The following SNTG1 variants were observed in gnomAD, a reference collection of about 807,000 sequenced individuals.
The protein encoded by SNTG1 is gamma-1-syntrophin.
A neutral mutation model predicts 74.7 loss-of-function variants in SNTG1; 39 were observed. That is an observed-to-expected ratio of 0.52 (90% confidence interval 0.40 to 0.68). The LOEUF is 0.68. Ranked by LOEUF, SNTG1 falls within the 30% of genes least tolerant of loss-of-function variation. The pLI is 0.00. For synonymous variants in SNTG1, 254 were observed against 217.1 expected, an observed-to-expected ratio of 1.17 and a Z score of -1.49; for missense variants, 685 against 609.5, an observed-to-expected ratio of 1.12 and a Z score of -1.30.
Position 50,551,331 on chromosome 8 carries a change from A to G in SNTG1, c.681-1719A>G, listed in dbSNP as rs114051257. 5.0e-3 allele frequency among the ~76,000 whole-genome samples: 756 copies of G among 152,294 alleles called. 15 individuals carry two copies. The highest frequency in any genetic ancestry group is 0.017 in the African/African-American group (726 of 41,566). On this transcript the variant is annotated intron_variant, in intron 11 of 18. Transcript: ENST00000642720. The stretch of plus-strand genomic sequence containing the variant: ...TTAACTTATAAGCCTAGTTTCATAA[A>G]AGATCAGCCCCTCAGAATTATTCTA...
intron 2 of SNTG1, among the ~76,000 whole-genome samples, chr8:50,350,099 G>A (rs188667790): frequency 0.012 from 1,816 of 152,260 alleles, 15 homozygotes; most frequent in Non-Finnish European, 0.019. Context: ...CCCCAGCAGC[G>A]CCGGCTCACG....
At chr8:50,777,389 C>T (rs943813232) in intron 18 of SNTG1, among the ~76,000 whole-genome samples, 1 of 150,410 alleles carries the variant, frequency 6.6e-6, no homozygotes, top group Non-Finnish European at 1.5e-5. Flanking sequence ...TCTCTTCTTT[C>T]TGCTGTTGAG....
At position 50,408,510 on chromosome 8, in the gene SNTG1, G is replaced by C. The variant is rs115694690; in HGVS notation, c.162+6166G>C. ...GGACAAGGTCTGGGATAGGGAGTTA[G>C]TGGTAGGCCTGACAATTTCTCTGTA... On this transcript the variant is annotated intron_variant, in intron 4 of 18. Transcript: ENST00000642720. Among the ~76,000 whole-genome samples, 1,374 of 152,288 alleles carry C rather than the reference G, an allele frequency of 9.0e-3. 26 individuals are homozygous for C. The highest frequency in any genetic ancestry group is 0.031 in the African/African-American group (1,302 of 41,562).
intron 16 of SNTG1, among the ~76,000 whole-genome samples, chr8:50,707,727 C>A (rs776259679): frequency 1.8e-4 from 27 of 152,094 alleles, no homozygotes; most frequent in Non-Finnish European, 3.8e-4. Context: ...ATTTCTCTCT[C>A]ATCTTGTACA....
chr8:49,920,508 T>C (rs1435285553), intron 1 of SNTG1, among the ~76,000 whole-genome samples: 2 of 152,066 alleles, frequency 1.3e-5, no homozygotes, highest in Non-Finnish European at 2.9e-5. Flanking sequence ...TAACACCTAT[T>C]ATAGGCTTGA....
chr8:50,477,371 TC>T (rs1563442669), intron 8 of SNTG1, among the ~76,000 whole-genome samples: 1 of 151,870 alleles, frequency 6.6e-6, no homozygotes, highest in South Asian at 2.1e-4. Context: ...ATTTCTGTGG[TC>T]CCCTTCCCCA....
At chr8:49,914,858 G>A (rs939646746) in intron 1 of SNTG1, 21 of 152,158 alleles carry the variant, frequency 1.4e-4, no homozygotes, top group African/African-American at 5.1e-4. Context: ...AAAGCATATT[G>A]TAAGCTAGAA....
chr8:49,938,603 T>TTTTTTTTTTTTTTTTTCTTTCTTTCTTTC (rs1554524905), intron 1 of SNTG1, among the ~76,000 whole-genome samples: 1 of 74,754 alleles, frequency 1.3e-5, no homozygotes, highest in Non-Finnish European at 2.7e-5. Flanking sequence ...TTTTCTTTTC[T>TTTTTTTTTTTTTTTTTCTTTCTTTCTTTC]TTTCTTTCTT....
At chr8:50,513,142 C>T (rs1378609034) in intron 9 of SNTG1, among the ~76,000 whole-genome samples, 3 of 152,134 alleles carry the variant, frequency 2.0e-5, no homozygotes, top group African/African-American at 7.2e-5. Flanking sequence ...ACAGTCAGAA[C>T]CCTCAGCTGC....
chr8:50,075,560 G>C (rs1187398256), intron 1 of SNTG1, among the ~76,000 whole-genome samples: 1 of 152,182 alleles, frequency 6.6e-6, no homozygotes, highest in Non-Finnish European at 1.5e-5. Flanking sequence ...GCAGGATGTG[G>C]GTGGGGCCAG....
At chr8:49,926,264 C>G (rs139253429) in intron 1 of SNTG1, among the ~76,000 whole-genome samples, 1 of 151,604 alleles carries the variant, frequency 6.6e-6, no homozygotes, top group Admixed American at 6.6e-5. Flanking sequence ...TGTTCTATTA[C>G]GAAAAAATAA....
chr8:50,704,855 G>A (rs2095438301), intron 16 of SNTG1, 103 bp downstream of exon 16: 3 of 1,369,108 alleles, frequency 2.2e-6, no homozygotes, highest in Non-Finnish European at 3.0e-6. Context: ...TACAGTTCTG[G>A]GAATCTTGAC....
chr8:50,322,788 A>G (rs946122071), intron 2 of SNTG1, among the ~76,000 whole-genome samples: 4 of 151,698 alleles, frequency 2.6e-5, no homozygotes, highest in Non-Finnish European at 5.9e-5. Context: ...AAGCTCACTA[A>G]TTCTTTCTTC....
intron 12 of SNTG1, among the ~76,000 whole-genome samples, chr8:50,576,948 T>G (rs1203519422): frequency 2.0e-5 from 3 of 152,156 alleles, no homozygotes; most frequent in African/African-American, 7.2e-5. Flanking sequence ...TATATTTCTT[T>G]TTTCTTGCTT....
chr8:50,274,887 T>C (rs2088006190), intron 2 of SNTG1, among the ~76,000 whole-genome samples: 1 of 152,224 alleles, frequency 6.6e-6, no homozygotes, highest in South Asian at 2.1e-4. Flanking sequence ...TAGCGTCAAA[T>C]ATGTGGGATA....
At chr8:50,132,166 T>C (rs2081339228) in intron 1 of SNTG1, among the ~76,000 whole-genome samples, 1 of 152,188 alleles carries the variant, frequency 6.6e-6, no homozygotes, top group African/African-American at 2.4e-5. Context: ...TATGGGTCTA[T>C]TGTCATTCCA....
chr8:50,015,722 C>A (rs958205495), intron 1 of SNTG1, among the ~76,000 whole-genome samples: 8 of 152,032 alleles, frequency 5.3e-5, no homozygotes, highest in Non-Finnish European at 4.4e-5. Context: ...AAAATAGGAA[C>A]CATTACAATC....
chr8:50,114,832 T>C (rs771044210), intron 1 of SNTG1, among the ~76,000 whole-genome samples: 1 of 152,136 alleles, frequency 6.6e-6, no homozygotes, highest in Non-Finnish European at 1.5e-5. Context: ...GCCAATGCAC[T>C]ACAGCCTGGT....
chr8:50,712,076 A>G (rs2095463079), intron 17 of SNTG1, among the ~76,000 whole-genome samples: 1 of 152,212 alleles, frequency 6.6e-6, no homozygotes, highest in Non-Finnish European at 1.5e-5. Flanking sequence ...AGTGGCATCT[A>G]CAAAACACTC....
Sources: gnomAD v4.1 joint callset for allele counts (sites outside exome capture counted in the v4.1 genomes callset) on GRCh38, gnomAD v4.1.1 for gene constraint, MANE v1.5 for transcripts, NCBI Gene and HGNC (gene_info 2026-07-23, HGNC 2026-07-21) for gene names.